Variants in ERC2 observed in about 807,000 individuals in gnomAD.
ERC2 encodes ERC protein 2.
ERC2 carries 42 observed loss-of-function variants against 114.8 expected under a neutral mutation model. That is an observed-to-expected ratio of 0.37 (90% confidence interval 0.29 to 0.47). The LOEUF is 0.47. ERC2 is among the 20% of genes least tolerant of loss of function. The probability of loss-of-function intolerance (pLI) is 0.99; values close to 1 mark genes in which losing one functional copy is unlikely to be tolerated. For missense variants in ERC2, 939 were observed against 1,150.7 expected, an observed-to-expected ratio of 0.82 and a Z score of 2.66; for synonymous variants, 454 against 425.5, an observed-to-expected ratio of 1.07 and a Z score of -0.82.
intron 7 of ERC2, among the ~76,000 whole-genome samples, chr3:56,044,658 A>G (rs1362087607): frequency 2.0e-5 from 3 of 152,168 alleles, no homozygotes; most frequent in Non-Finnish European, 1.5e-5. Flanking sequence ...TAAAATACTC[A>G]TATTGCAGAA....
chr3:55,756,130 C>A (rs1392872129), intron 14 of ERC2, among the ~76,000 whole-genome samples: 1 of 152,054 alleles, frequency 6.6e-6, no homozygotes, highest in East Asian at 1.9e-4. Flanking sequence ...CAAAAGTTTG[C>A]AGCTTGCTAG....
At chr3:56,264,345 C>T (rs978993519) in intron 3 of ERC2, among the ~76,000 whole-genome samples, 1 of 152,034 alleles carries the variant, frequency 6.6e-6, no homozygotes, top group Non-Finnish European at 1.5e-5. Context: ...GCCTGTAATC[C>T]CAGAACTTTA....
intron 3 of ERC2, among the ~76,000 whole-genome samples, chr3:56,221,412 A>T (rs551340154): frequency 6.6e-6 from 1 of 150,644 alleles, no homozygotes; most frequent in African/African-American, 2.4e-5. Flanking sequence ...AAAAAAAAGT[A>T]ATTCTTGCTC....
In ERC2 at chr3:56,026,521, T is replaced by G. The variant is rs566225749; in HGVS notation, c.1642-7490A>C. On this transcript the variant is annotated intron_variant, in intron 7 of 17. Transcript: ENST00000288221. ...TTCAGCTAATATAACAGTGTCATGA[T>G]GAGGAGGAGGAGGAGGATGAGAATG... 1.0e-3 allele frequency among the ~76,000 whole-genome samples: 159 copies of G among 152,196 alleles called. 1 individual carries two copies. Among genetic ancestry groups the G allele is most frequent in the African/African-American group, 3.7e-3 (154 of 41,538 alleles).
intron 1 of ERC2, among the ~76,000 whole-genome samples, chr3:56,452,565 A>G: frequency 6.6e-6 from 1 of 152,246 alleles, no homozygotes; most frequent in East Asian, 1.9e-4. Flanking sequence ...CTTTATGTTT[A>G]TACAATTTAA....
chr3:56,222,681 C>G (rs1256509210), intron 3 of ERC2, among the ~76,000 whole-genome samples: 1 of 152,174 alleles, frequency 6.6e-6, no homozygotes, highest in African/African-American at 2.4e-5. Flanking sequence ...AATGAATATA[C>G]TCCACACCTC....
At chr3:56,392,906 G>A (rs1413273933) in intron 2 of ERC2, among the ~76,000 whole-genome samples, 1 of 151,982 alleles carries the variant, frequency 6.6e-6, no homozygotes, top group Admixed American at 6.6e-5. Context: ...CACCTGATAC[G>A]GCCACGACCA....
chr3:55,855,540 G>A (rs2061752283), intron 14 of ERC2, among the ~76,000 whole-genome samples: 1 of 152,214 alleles, frequency 6.6e-6, no homozygotes, highest in South Asian at 2.1e-4. Flanking sequence ...CATTTCTTTG[G>A]TAGGGGGGGA....
rs560469611 is a variant in ERC2, at chr3:55,535,980, C to T, written c.*40-24704G>A. ...CACCACTGCACTCCAGCCTGGGCAA[C>T]GAGAGCAAAACTCCATCTCAAAAAC... On this transcript the variant is annotated intron_variant, in intron 17 of 17. Transcript: ENST00000288221. Among the ~76,000 whole-genome samples, 11 of 152,218 alleles carry T rather than the reference C, an allele frequency of 7.2e-5. No homozygotes were observed. In the South Asian group the frequency reaches 1.7e-3, roughly 23 times the overall value.
chr3:55,858,507 C>G (rs935514309), intron 14 of ERC2, among the ~76,000 whole-genome samples: 3 of 152,200 alleles, frequency 2.0e-5, no homozygotes, highest in Non-Finnish European at 4.4e-5. Context: ...ATGCCTATCA[C>G]AAAAGCACAC....
intron 6 of ERC2, among the ~76,000 whole-genome samples, chr3:56,126,219 T>G (rs1575514571): frequency 6.6e-6 from 1 of 152,340 alleles, no homozygotes; most frequent in East Asian, 1.9e-4. Flanking sequence ...CAAGTTTCAT[T>G]TTTTAAAATG....
At chr3:56,103,435 A>G (rs972766739) in intron 6 of ERC2, among the ~76,000 whole-genome samples, 14 of 152,136 alleles carry the variant, frequency 9.2e-5, no homozygotes, top group African/African-American at 3.1e-4. Context: ...CAGAGACACA[A>G]CCTTCCCTCC....
chr3:56,300,364 A>G, intron 2 of ERC2, among the ~76,000 whole-genome samples: 1 of 152,138 alleles, frequency 6.6e-6, no homozygotes, highest in Admixed American at 6.5e-5. Context: ...TAGAAGCAAC[A>G]CTATGTCATG....
In ERC2 at chr3:55,952,171, ACACACACACT is replaced by A. The variant is rs1194303055; in HGVS notation, c.2268-1621_2268-1612del. Among the ~76,000 whole-genome samples the A allele has an allele frequency of 4.8e-4, 29 of 60,104 alleles. 1 individual carries two copies. The highest frequency in any genetic ancestry group is 1.1e-3 in the African/African-American group (20 of 18,628). The allele number at this position is 60,104 out of a possible 152,430, so 39.4% of individuals were successfully genotyped here. A position where few individuals can be genotyped will look rare whatever the true frequency, so the allele number is the denominator to read the frequency against. On this transcript the variant is annotated intron_variant, in intron 12 of 17. Transcript: ENST00000288221. ...CACACACACACACACACACACACAC[ACACACACACT>A]CTCTCTCTCTCTCTCTCTATATATA...
intron 14 of ERC2, among the ~76,000 whole-genome samples, chr3:55,795,311 T>A (rs2070383770): frequency 6.6e-6 from 1 of 152,074 alleles, no homozygotes; most frequent in Non-Finnish European, 1.5e-5. Context: ...AGGAAGTCAT[T>A]TCTCTTTAAT....
chr3:55,921,095 G>A (rs1174061558), intron 13 of ERC2, among the ~76,000 whole-genome samples: 1 of 152,094 alleles, frequency 6.6e-6, no homozygotes, highest in East Asian at 1.9e-4. Flanking sequence ...AAAACTGACT[G>A]TGAATGTGTT....
In ERC2 at chr3:55,508,600, G is replaced by A. The variant is rs978848128; in HGVS notation, c.*2716C>T. On this transcript the variant is annotated 3_prime_UTR_variant, in exon 18 of 18. Coordinates refer to ENST00000288221, the MANE Select transcript of ERC2 (RefSeq NM_015576.3). Reference sequence around the variant, plus strand: ...AGAAGCACTATCAAACGAGGGTCTCGGGGAATTAGATACACTGACCCTGGG... The same window carrying A: ...AGAAGCACTATCAAACGAGGGTCTCAGGGAATTAGATACACTGACCCTGGG... 4 of 152,404 alleles carry A rather than the reference G, an allele frequency of 2.6e-5. No homozygotes were observed. Among genetic ancestry groups the A allele is most frequent in the African/African-American group, 4.8e-5 (2 of 41,346 alleles). The allele number at this position is 152,404 out of a possible 1,614,324, so 9.4% of individuals were successfully genotyped here.
chr3:56,183,985 T>C (rs141911208), intron 3 of ERC2, among the ~76,000 whole-genome samples: 57 of 152,222 alleles, frequency 3.7e-4, no homozygotes, highest in African/African-American at 1.2e-3. Context: ...AATAGATAAA[T>C]ACAGTAGGAA....
chr3:55,942,149 C>T (rs2066834622), intron 13 of ERC2, among the ~76,000 whole-genome samples: 1 of 151,882 alleles, frequency 6.6e-6, no homozygotes, highest in Non-Finnish European at 1.5e-5. Context: ...GGGATCTGGT[C>T]TCCCCTCTGC....
Sources: allele counts gnomAD v4.1 joint callset (sites outside exome capture counted in the v4.1 genomes callset), GRCh38; gene constraint gnomAD v4.1.1; transcripts MANE v1.5; gene names NCBI Gene and HGNC (gene_info 2026-07-23, HGNC 2026-07-21).